Variants in SPHKAP observed in about 807,000 individuals in gnomAD.
The protein encoded by SPHKAP is SPHK1 interactor, AKAP domain containing.
A neutral mutation model predicts 137.5 loss-of-function variants in SPHKAP; 67 were observed. The observed-to-expected ratio is 0.49, with a 90% CI of 0.40 to 0.60. The LOEUF (loss-of-function observed/expected upper bound fraction) is 0.60, where lower values mean the gene tolerates loss of function less well. SPHKAP is among the 20% of genes least tolerant of loss of function. The probability of loss-of-function intolerance (pLI) is 0.00; values close to 1 mark genes in which losing one functional copy is unlikely to be tolerated. For missense variants in SPHKAP, 2,097 were observed against 2,069.3 expected (o/e 1.01, Z -0.26); for synonymous variants, 813 against 785.3 (o/e 1.04, Z -0.59).
chr2:228,115,184 C>A (rs543348160), intron 2 of SPHKAP, among the ~76,000 whole-genome samples: 1 of 152,088 alleles, frequency 6.6e-6, no homozygotes, highest in Non-Finnish European at 1.5e-5. Context: ...ATCTCCTTAT[C>A]GTTTGCAGAG....
At chr2:228,128,044 G>A (rs1411449364) in intron 2 of SPHKAP, among the ~76,000 whole-genome samples, 3 of 152,152 alleles carry the variant, frequency 2.0e-5, no homozygotes, top group Non-Finnish European at 4.4e-5. Context: ...AATTGATCAA[G>A]GTGGTGGACG....
chr2:228,169,327 G>T (rs952461176), intron 1 of SPHKAP, among the ~76,000 whole-genome samples: 1 of 152,066 alleles, frequency 6.6e-6, no homozygotes. Context: ...GTCAATGCCC[G>T]GCTTCAAAGC....
chr2:228,134,396 G>A (rs1034074642), intron 1 of SPHKAP, among the ~76,000 whole-genome samples: 2 of 152,174 alleles, frequency 1.3e-5, no homozygotes, highest in African/African-American at 4.8e-5. Flanking sequence ...TAAATGACAT[G>A]TTTGGACTAA....
chr2:228,035,898 C>G (rs928450522), intron 3 of SPHKAP, among the ~76,000 whole-genome samples: 2 of 151,908 alleles, frequency 1.3e-5, no homozygotes, highest in Admixed American at 1.3e-4. Flanking sequence ...GGATTAAAGA[C>G]TTACATGTTA....
chr2:228,031,891 C>T (rs1695339877), intron 3 of SPHKAP, among the ~76,000 whole-genome samples: 2 of 152,166 alleles, frequency 1.3e-5, no homozygotes, highest in African/African-American at 4.8e-5. Flanking sequence ...TGTACATCAC[C>T]ATTATCAAAG....
chr2:228,159,189 A>G (rs1179991052), intron 1 of SPHKAP, among the ~76,000 whole-genome samples: 3 of 152,144 alleles, frequency 2.0e-5, no homozygotes, highest in Admixed American at 2.0e-4. Context: ...TGAAGGCAAA[A>G]ATTGTACCAA....
chr2:228,163,308 A>G (rs10194075), intron 1 of SPHKAP, among the ~76,000 whole-genome samples: 10,498 of 152,178 alleles, frequency 0.069, 409 homozygotes, highest in Non-Finnish European at 0.082. Context: ...GGAGACAGAG[A>G]GATGAGAGAG....
chr2:227,996,825 T>C (rs553447124), intron 7 of SPHKAP, among the ~76,000 whole-genome samples: 151 of 152,322 alleles, frequency 9.9e-4, no homozygotes, highest in Non-Finnish European at 1.7e-3. Flanking sequence ...ACTCAAAAGC[T>C]TTCACAATTA....
chr2:228,055,141 C>CAAAAA lies in SPHKAP; in HGVS notation c.247-27599_247-27598insTTTTT, dbSNP rs1559149608. 2.4e-4 allele frequency among the ~76,000 whole-genome samples: 27 copies of CAAAAA among 111,906 alleles called. No homozygotes were observed. In the South Asian group the frequency reaches 8.7e-3, roughly 36 times the overall value. 73.4% of individuals were successfully genotyped at this position (111,906 alleles called of 152,430 possible). A position where few individuals can be genotyped will look rare whatever the true frequency, so the allele number is the denominator to read the frequency against. ...TGGGCAAAAAGAGTGAAACTCCACTCCAAAAAAAAAAAAAAAAAGTGGTTT... is the reference window on the plus strand; with the variant it reads ...TGGGCAAAAAGAGTGAAACTCCACTCAAAAACAAAAAAAAAAAAAAAAAGTGGTTT... On this transcript the variant is annotated intron_variant, in intron 3 of 11. Transcript: ENST00000392056.
chr2:228,154,179 A>G lies in SPHKAP; in HGVS notation c.33-22094T>C, dbSNP rs373184716. On this transcript the variant is annotated intron_variant, in intron 1 of 11. Transcript: ENST00000392056. Reference sequence around the variant, plus strand: ...AAATAAATAAATAATTAATAAAACGACAGACAAAATGCAAATCTTCATGTA... The same window carrying G: ...AAATAAATAAATAATTAATAAAACGGCAGACAAAATGCAAATCTTCATGTA... Among the ~76,000 whole-genome samples the G allele has an allele frequency of 1.8e-4, 28 of 152,246 alleles. No homozygotes were observed. The East Asian group carries it at 3.9e-3, about 21-fold the overall frequency.
intron 1 of SPHKAP, among the ~76,000 whole-genome samples, chr2:228,178,125 G>A (rs769376552): frequency 6.6e-6 from 1 of 152,170 alleles, no homozygotes; most frequent in Non-Finnish European, 1.5e-5. Context: ...GATGGTATCA[G>A]TGTTTGTCCA....
intron 1 of SPHKAP, among the ~76,000 whole-genome samples, chr2:228,164,521 TTC>T (rs1335469082): frequency 3.3e-5 from 5 of 152,242 alleles, no homozygotes; most frequent in African/African-American, 1.2e-4. Flanking sequence ...TAGTAACAGT[TTC>T]TGTTTATGAA....
intron 3 of SPHKAP, among the ~76,000 whole-genome samples, chr2:228,028,931 G>A (rs1695173607): frequency 6.9e-6 from 1 of 143,992 alleles, no homozygotes; most frequent in Non-Finnish European, 1.5e-5. Flanking sequence ...AAAGAGGTTA[G>A]CTATGTTTTT....
At chr2:227,993,755 A>C in intron 8 of SPHKAP, 135 bp from the exon 9 acceptor site, 1 of 721,316 alleles carries the variant, frequency 1.4e-6, no homozygotes, top group South Asian at 1.8e-5. Context: ...GGACACCTCA[A>C]TTCATATTTA....
intron 5 of SPHKAP, among the ~76,000 whole-genome samples, chr2:228,023,266 A>G (rs1322856761): frequency 6.6e-6 from 1 of 152,170 alleles, no homozygotes; most frequent in East Asian, 1.9e-4. Context: ...CCCTAAATGC[A>G]TATGTGATTA....
At chr2:228,039,030 T>C (rs1249644972) in intron 3 of SPHKAP, among the ~76,000 whole-genome samples, 1 of 152,218 alleles carries the variant, frequency 6.6e-6, no homozygotes, top group Non-Finnish European at 1.5e-5. Flanking sequence ...AAAGACAAAA[T>C]GTTGAGAATC....
chr2:227,983,715 G>A (rs955934357), intron 11 of SPHKAP, among the ~76,000 whole-genome samples: 2 of 152,122 alleles, frequency 1.3e-5, no homozygotes, highest in Admixed American at 6.6e-5. Flanking sequence ...ATGTATTTTC[G>A]CATATATAAT....
In SPHKAP at chr2:228,116,224, G is replaced by A. The variant is rs530978075; in HGVS notation, c.139-7285C>T. ...ACACACACAAAGGTCCTATGTGTTC[G>A]TATTGTAATTCTCTCATCTCTCTGT... On this transcript the variant is annotated intron_variant, in intron 2 of 11. Transcript: ENST00000392056. Among the ~76,000 whole-genome samples, 4 of 152,252 alleles carry A rather than the reference G, an allele frequency of 2.6e-5. No individual in the cohort carries two copies. In the South Asian group the frequency reaches 6.2e-4, roughly 24 times the overall value.
At chr2:228,167,673 T>C (rs1700459420) in intron 1 of SPHKAP, among the ~76,000 whole-genome samples, 1 of 152,176 alleles carries the variant, frequency 6.6e-6, no homozygotes, top group Admixed American at 6.6e-5. Context: ...AATAAGTGGG[T>C]AAGTCTATTC....
Sources: gnomAD v4.1 joint callset for allele counts (sites outside exome capture counted in the v4.1 genomes callset) on GRCh38, gnomAD v4.1.1 for gene constraint, MANE v1.5 for transcripts, NCBI Gene and HGNC (gene_info 2026-07-23, HGNC 2026-07-21) for gene names.